Variants in BAG3 observed in about 807,000 individuals in gnomAD.
BAG3 encodes the protein BAG family molecular chaperone regulator 3.
A neutral mutation model predicts 40.5 loss-of-function variants in BAG3; 14 were observed. That is an observed-to-expected ratio of 0.35 (90% CI 0.23 to 0.54). The LOEUF is 0.54. Ranked by LOEUF, BAG3 falls within the 20% of genes least tolerant of loss-of-function variation. The pLI is 0.91. For synonymous variants in BAG3, 302 were observed against 307.8 expected, an observed-to-expected ratio of 0.98 and a Z score of 0.20; for missense variants, 788 against 758.6, an observed-to-expected ratio of 1.04 and a Z score of -0.46.
At chr10:119,676,038 G>A (rs1458415376) in intron 3 of BAG3, among the ~76,000 whole-genome samples, 2 of 144,086 alleles carry the variant, frequency 1.4e-5, no homozygotes, top group Admixed American at 7.3e-5. Context: ...CGATTCTTCC[G>A]CCTCAGCCTT....
At chr10:119,652,034 C>T (rs1409518026) in intron 1 of BAG3, among the ~76,000 whole-genome samples, 179 bp downstream of exon 1, 3 of 152,006 alleles carry the variant, frequency 2.0e-5, no homozygotes, top group Admixed American at 6.6e-5. Context: ...GACGAGTCCC[C>T]GCTCCGGACC....
At chr10:119,655,968 TAC>T (rs552849593) in intron 1 of BAG3, among the ~76,000 whole-genome samples, 196 of 152,318 alleles carry the variant, frequency 1.3e-3, no homozygotes, top group Non-Finnish European at 2.0e-3. Flanking sequence ...GAAAGCTTCA[TAC>T]CACCCATGAG....
chr10:119,666,054 A>T (rs191415974), intron 1 of BAG3, among the ~76,000 whole-genome samples: 24 of 151,694 alleles, frequency 1.6e-4, no homozygotes, highest in African/African-American at 5.8e-4. Flanking sequence ...CACGGTGGAG[A>T]CCTTTCCCCT....
At chr10:119,657,558 G>A (rs111230051) in intron 1 of BAG3, 1 of 471,142 alleles carries the variant, frequency 2.1e-6, no homozygotes, top group Admixed American at 2.3e-5. Context: ...AGCTGCCCGT[G>A]AAGGATGCAG....
At chr10:119,656,421 C>T (rs1278756412) in intron 1 of BAG3, among the ~76,000 whole-genome samples, 1 of 142,726 alleles carries the variant, frequency 7.0e-6, no homozygotes, top group Non-Finnish European at 1.5e-5. Flanking sequence ...CACTTTGTCT[C>T]CCAGGCTGGG....
At chr10:119,662,951 G>T (rs979291244) in intron 1 of BAG3, among the ~76,000 whole-genome samples, 1 of 152,158 alleles carries the variant, frequency 6.6e-6, no homozygotes, top group Non-Finnish European at 1.5e-5. Flanking sequence ...GGAGGCGGAG[G>T]TTGCAATGAG....
At chr10:119,659,573 C>T in intron 1 of BAG3, among the ~76,000 whole-genome samples, 1 of 152,132 alleles carries the variant, frequency 6.6e-6, no homozygotes, top group Admixed American at 6.5e-5. Context: ...GGGAGCAGAG[C>T]CCCCCCGGGA....
Position 119,677,313 on chromosome 10 carries a change from C to T in BAG3, c.*31C>T, listed in dbSNP as rs116329258. 1.4e-3 allele frequency: 2,332 copies of T among 1,612,304 alleles called. 28 individuals are homozygous for T. The African/African-American group carries it at 0.028, about 19-fold the overall frequency. On this transcript the variant is annotated 3_prime_UTR_variant, in exon 4 of 4. Transcript: ENST00000369085. The stretch of plus-strand genomic sequence containing the variant: ...GCCCTGTAAAAATCAGACTCGGAAC[C>T]GATGTGTGCTTTAGGGAATTTTAAG...
chr10:119,651,520 A>T lies in BAG3; in HGVS notation c.-156A>T, dbSNP rs1846837960. On this transcript the variant is annotated 5_prime_UTR_variant, in exon 1 of 4. Coordinates refer to ENST00000369085, the MANE Select transcript of BAG3 (RefSeq NM_004281.4). Reference sequence around the variant, plus strand: ...CAGACACTTCCACCCCTCTCTGGCCACGTCACCCCCGCCTTTAATTCATAA... The same window carrying T: ...CAGACACTTCCACCCCTCTCTGGCCTCGTCACCCCCGCCTTTAATTCATAA... The T allele has an allele frequency of 3.3e-6, 2 of 602,494 alleles. No individual in the cohort carries two copies. The highest frequency in any genetic ancestry group is 5.1e-6 in the Non-Finnish European group (2 of 393,546). The allele number at this position is 602,494 out of a possible 1,614,324, so 37.3% of individuals were successfully genotyped here.
chr10:119,653,999 C>G (rs1846877906), intron 1 of BAG3, among the ~76,000 whole-genome samples: 1 of 152,072 alleles, frequency 6.6e-6, no homozygotes, highest in Non-Finnish European at 1.5e-5. Flanking sequence ...AAAAGAGTTC[C>G]CTTTACCAAG....
rs1847119773 is a variant in BAG3, at chr10:119,669,873, G to C, written c.203G>C (p.Gly68Ala). 6.2e-7 allele frequency: 1 copy of C among 1,614,024 alleles called. No homozygotes were observed. Among genetic ancestry groups the C allele is most frequent in the Non-Finnish European group, 8.5e-7 (1 of 1,180,048 alleles). ...CAGGAGACTCCATCCTCTGCCAATG[G>C]CCCTTCCCGGGAGGGCTCTAGGCTG... ...GPKETPSSAN[G>A]PSREGSRLPP... The change falls in exon 2 of 4, where the codon GGC becomes GCC. Residue 68 changes from glycine to alanine, a missense_variant. Physicochemically the swap from Gly to Ala is moderately conservative, Grantham distance 60 (BLOSUM62 0). Coordinates refer to ENST00000369085, the MANE Select transcript of BAG3 (RefSeq NM_004281.4).
intron 1 of BAG3, among the ~76,000 whole-genome samples, chr10:119,661,117 G>C (rs1040390733): frequency 1.3e-5 from 2 of 152,032 alleles, no homozygotes; most frequent in African/African-American, 4.8e-5. Context: ...AAAATTAGCT[G>C]GGCGTGGTGG....
At chr10:119,660,572 G>A (rs776391999) in intron 1 of BAG3, among the ~76,000 whole-genome samples, 10 of 152,274 alleles carry the variant, frequency 6.6e-5, no homozygotes, top group African/African-American at 2.2e-4. Context: ...TGAACAGGGC[G>A]CGGTGGCTCA....
Position 119,677,470 on chromosome 10 carries a change from C to A in BAG3, c.*188C>A. ...GATGCTTTTCTTCTATATTCTTACTCTGTACAAATAAAGAAGTTGCTTGTT... is the reference window on the plus strand; with the variant it reads ...GATGCTTTTCTTCTATATTCTTACTATGTACAAATAAAGAAGTTGCTTGTT... On this transcript the variant is annotated 3_prime_UTR_variant, in exon 4 of 4. Coordinates refer to ENST00000369085, the MANE Select transcript of BAG3 (RefSeq NM_004281.4). 1.3e-6 allele frequency: 1 copy of A among 749,138 alleles called. No homozygotes were observed. Among genetic ancestry groups the A allele is most frequent in the Non-Finnish European group, 2.2e-6 (1 of 452,644 alleles). The allele number at this position is 749,138 out of a possible 1,614,324, so 46.4% of individuals were successfully genotyped here. A position where few individuals can be genotyped will look rare whatever the true frequency, so the allele number is the denominator to read the frequency against.
intron 1 of BAG3, among the ~76,000 whole-genome samples, chr10:119,667,733 C>G (rs1052826097): frequency 1.3e-5 from 2 of 152,202 alleles, no homozygotes; most frequent in African/African-American, 4.8e-5. Flanking sequence ...GGATGTTCCC[C>G]CAGGTGGTGG....
At chr10:119,659,464 C>T (rs1414588681) in intron 1 of BAG3, among the ~76,000 whole-genome samples, 2 of 152,150 alleles carry the variant, frequency 1.3e-5, no homozygotes, top group Non-Finnish European at 2.9e-5. Flanking sequence ...GTGTAAATGT[C>T]ACCGCAGATG....
At position 119,657,362 on chromosome 10, in the gene BAG3, A is replaced by C. The variant is rs75693206; in HGVS notation, c.180+5507A>C. ...ATTTTAATTTGAATCTTTTTGCTTA[A>C]GCTCTGCACTTTTCTGCTTTGTCTT... is the stretch of plus-strand genomic sequence containing the variant. On this transcript the variant is annotated intron_variant, in intron 1 of 3. Transcript: ENST00000369085. The C allele has an allele frequency of 2.4e-3, 816 of 336,014 alleles. 9 individuals are homozygous for C. Among genetic ancestry groups the C allele is most frequent in the African/African-American group, 0.016 (749 of 46,310 alleles). 20.8% of individuals were successfully genotyped at this position (336,014 alleles called of 1,614,324 possible). A position where few individuals can be genotyped will look rare whatever the true frequency, so the allele number is the denominator to read the frequency against.
At position 119,672,458 on chromosome 10, in the gene BAG3, G is replaced by C. The variant is rs369377620; in HGVS notation, c.711G>C (p.Gln237His). ...QAQKTHYPAQ[Q>H]GEYQTHQPVY... ...AGAAGACGCACTACCCAGCGCAGCAGGGGGAGTACCAGACCCACCAGCCTG... is the reference window on the plus strand; with the variant it reads ...AGAAGACGCACTACCCAGCGCAGCACGGGGAGTACCAGACCCACCAGCCTG... The change falls in exon 3 of 4, where the codon CAG becomes CAC. Residue 237 changes from glutamine (Q) to histidine (H), a missense_variant. Transcript: ENST00000369085. The surrounding 1 kb of genome is among the most constrained non-coding windows in gnomAD (Gnocchi z 4.8). 1 of 1,614,228 alleles carries C rather than the reference G, an allele frequency of 6.2e-7. No individual in the cohort carries two copies. The highest frequency in any genetic ancestry group is 8.5e-7 in the Non-Finnish European group (1 of 1,180,038).
At chr10:119,670,628 C>T (rs953564059) in intron 2 of BAG3, among the ~76,000 whole-genome samples, 2 of 152,126 alleles carry the variant, frequency 1.3e-5, no homozygotes, top group Non-Finnish European at 2.9e-5. Context: ...AAATCTTAAC[C>T]GCTTGTGGAG....
Sources: allele counts gnomAD v4.1 joint callset (sites outside exome capture counted in the v4.1 genomes callset), GRCh38; gene constraint gnomAD v4.1.1; non-coding constraint Gnocchi (gnomAD v3.1); transcripts MANE v1.5; gene names NCBI Gene and HGNC (gene_info 2026-07-23, HGNC 2026-07-21).